LTN1: variants seen among roughly 807,000 people sequenced by gnomAD.
The protein encoded by LTN1 is E3 ubiquitin-protein ligase listerin.
Under a neutral mutation model 201.2 loss-of-function variants are expected in LTN1, and 88 were observed. The observed-to-expected ratio is 0.44, with a 90% CI of 0.37 to 0.52. LTN1 has a LOEUF of 0.52. Among genes scored for constraint, LTN1 ranks in the 20% least tolerant of loss-of-function variants. LTN1 has a pLI of 0.00. For synonymous variants in LTN1, 645 were observed against 713.5 expected (o/e 0.90, Z 1.53); for missense variants, 1,752 against 2,038.7 (o/e 0.86, Z 2.71).
chr21:28,965,066 G>A (rs1404433331), intron 11 of LTN1, among the ~76,000 whole-genome samples: 1 of 152,124 alleles, frequency 6.6e-6, no homozygotes, highest in Non-Finnish European at 1.5e-5. Context: ...TATGGAAACT[G>A]CACAACGATG....
chr21:28,986,552 A>G lies in LTN1; in HGVS notation c.246+179T>C. ...TTAAAAAAGTTCACTGTAACAAACT[A>G]ATTTACGACCTAGAAAATAAATATC... On this transcript the variant is annotated intron_variant, in intron 2 of 29. Transcript: ENST00000361371. The surrounding 1 kb of genome is among the most constrained non-coding windows in gnomAD (Gnocchi z 4.1). 1 of 657,936 alleles carries G rather than the reference A, an allele frequency of 1.5e-6. No homozygotes were observed. The highest frequency in any genetic ancestry group is 2.6e-6 in the Non-Finnish European group (1 of 383,892). The allele number at this position is 657,936 out of a possible 1,614,324, so 40.8% of individuals were successfully genotyped here. A position where few individuals can be genotyped will look rare whatever the true frequency, so the allele number is the denominator to read the frequency against.
chr21:28,941,533 C>T (rs2084297756), intron 24 of LTN1, 127 bp from the exon 25 acceptor site: 1 of 699,596 alleles, frequency 1.4e-6, no homozygotes, highest in Admixed American at 3.4e-5. Context: ...TTTAAAAATT[C>T]CCCTCTATTG....
intron 29 of LTN1, 136 bp downstream of exon 29, chr21:28,931,019 A>G (rs2084205900): frequency 7.2e-6 from 4 of 557,074 alleles, no homozygotes; most frequent in Non-Finnish European, 9.3e-6. Flanking sequence ...CATTAGCTAC[A>G]ATTAAGTTTA....
chr21:28,976,294 A>G (rs1031045436), intron 6 of LTN1, among the ~76,000 whole-genome samples: 3 of 152,292 alleles, frequency 2.0e-5, no homozygotes, highest in Admixed American at 6.5e-5. Context: ...AGGATATTTT[A>G]AAGTACCCAA....
rs566903337 is a variant in LTN1, at chr21:28,989,588, T to C, written c.43-2654A>G. On this transcript the variant is annotated intron_variant, in intron 1 of 29. Coordinates refer to ENST00000361371, the MANE Select transcript of LTN1 (RefSeq NM_015565.3). ...AAACCAAGGAAGACTTACAAGACCT[T>C]TCACCATCTAACCTCAACTTTTCCC... 1.2e-4 allele frequency among the ~76,000 whole-genome samples: 18 copies of C among 152,256 alleles called. No individual in the cohort carries two copies. In the South Asian group the frequency reaches 2.3e-3, roughly 19 times the overall value.
chr21:28,930,003 A>G lies in LTN1; in HGVS notation c.*445T>C, dbSNP rs1245515102. The stretch of plus-strand genomic sequence containing the variant: ...TACTAATTTATTGTCATAACTAATA[A>G]ATAAGGCTTAAAATATCTATAGATG... On this transcript the variant is annotated 3_prime_UTR_variant, in exon 30 of 30. Coordinates refer to ENST00000361371, the MANE Select transcript of LTN1 (RefSeq NM_015565.3). The G allele has an allele frequency of 1.3e-5, 2 of 152,678 alleles. No individual in the cohort carries two copies. The highest frequency in any genetic ancestry group is 3.8e-4 in the East Asian group (2 of 5,214). The allele number at this position is 152,678 out of a possible 1,614,324, so 9.5% of individuals were successfully genotyped here.
intron 12 of LTN1, 154 bp from the exon 13 acceptor site, chr21:28,959,851 A>C: frequency 1.6e-6 from 1 of 630,946 alleles, no homozygotes; most frequent in Non-Finnish European, 2.6e-6. Flanking sequence ...TCTCTCACAC[A>C]TAAAGGCCCT....
At chr21:28,959,412 C>A in intron 13 of LTN1, 46 bp downstream of exon 13, 1 of 1,584,224 alleles carries the variant, frequency 6.3e-7, no homozygotes, top group Non-Finnish European at 8.6e-7. Context: ...CTATGAAGGT[C>A]AGAGCCGGAG....
At chr21:28,989,054 TATTA>T (rs897168690) in intron 1 of LTN1, among the ~76,000 whole-genome samples, 13 of 152,196 alleles carry the variant, frequency 8.5e-5, no homozygotes, top group African/African-American at 2.2e-4. Context: ...AATGAATTAA[TATTA>T]ATTATTCAAT....
intron 12 of LTN1, 147 bp downstream of exon 12, chr21:28,960,370 A>G: frequency 1.7e-6 from 1 of 585,782 alleles, no homozygotes; most frequent in Non-Finnish European, 2.9e-6. Flanking sequence ...AAAAAAAAGA[A>G]AAAAGAAAAG....
rs1327334771 is a variant in LTN1 at position 28,953,216 on chromosome 21, C to T, written c.3239+1G>A. The T allele has an allele frequency of 6.4e-7, 1 of 1,556,756 alleles. No homozygotes were observed. The highest frequency in any genetic ancestry group is 8.6e-7 in the Non-Finnish European group (1 of 1,158,472). On this transcript the variant is annotated splice_donor_variant, in intron 17 of 29. Coordinates refer to ENST00000361371, the MANE Select transcript of LTN1 (RefSeq NM_015565.3). LOFTEE classifies it high-confidence loss of function. Reference sequence around the variant, plus strand: ...AAAAACAAATTGAAAGAGATTCTTACCTGTTAAATAACAGCTGCAAAAGGC... The same window carrying T: ...AAAAACAAATTGAAAGAGATTCTTATCTGTTAAATAACAGCTGCAAAAGGC...
rs140719641 is a variant in LTN1, at chr21:28,959,633, T to G, written c.2418A>C (p.Lys806Asn). 1.1e-4 allele frequency: 179 copies of G among 1,613,806 alleles called. No individual in the cohort carries two copies. The highest frequency in any genetic ancestry group is 1.4e-4 in the Non-Finnish European group (170 of 1,179,906). The change falls in exon 13 of 30, where the codon AAA becomes AAC. Residue 806 changes from lysine (K) to asparagine (N), a missense_variant. By Grantham distance (94) the Lys-to-Asn change is moderately conservative (BLOSUM62 0). This residue lies in a region of LTN1 where 1,211 missense variants were observed against 1,312.8 expected (regional missense o/e 0.92). Coordinates refer to ENST00000361371, the MANE Select transcript of LTN1 (RefSeq NM_015565.3). ...IIVRLHETLF[K>N]TKKLSEAESS... ...TTTCAGCTTCTGATAATTTCTTTGTTTTGAATAAAGTTTCATGAAGTCTAA... is the reference window on the plus strand; with the variant it reads ...TTTCAGCTTCTGATAATTTCTTTGTGTTGAATAAAGTTTCATGAAGTCTAA...
chr21:28,943,543 T>C (rs762529051), intron 23 of LTN1, 124 bp downstream of exon 23: 43 of 768,542 alleles, frequency 5.6e-5, no homozygotes, highest in Non-Finnish European at 8.2e-5. Flanking sequence ...AGGGTCCCTA[T>C]AAGTGAAGCA....
intron 1 of LTN1, among the ~76,000 whole-genome samples, chr21:28,989,404 T>A (rs2084727412): frequency 6.6e-6 from 1 of 152,158 alleles, no homozygotes; most frequent in Admixed American, 6.5e-5. Flanking sequence ...TTATGATCTT[T>A]GTATGTTAAG....
intron 11 of LTN1, among the ~76,000 whole-genome samples, chr21:28,963,807 G>T (rs1337790899): frequency 6.6e-6 from 1 of 152,196 alleles, no homozygotes; most frequent in Non-Finnish European, 1.5e-5. Flanking sequence ...TGAACCATGG[G>T]AAAAGGCTAA....
At chr21:28,958,121 A>G (rs1025178352) in intron 14 of LTN1, among the ~76,000 whole-genome samples, 1 of 152,198 alleles carries the variant, frequency 6.6e-6, no homozygotes, top group African/African-American at 2.4e-5. Flanking sequence ...TCTTTTCATA[A>G]GAGTCCTGTA....
intron 16 of LTN1, among the ~76,000 whole-genome samples, chr21:28,954,889 T>C (rs56750953): frequency 0.012 from 1,860 of 152,300 alleles, 33 homozygotes; most frequent in East Asian, 0.061. Context: ...AATATTTTTA[T>C]GGCTAAGACT....
intron 6 of LTN1, among the ~76,000 whole-genome samples, chr21:28,979,103 A>C (rs2084639055): frequency 6.6e-6 from 1 of 152,276 alleles, no homozygotes; most frequent in African/African-American, 2.4e-5. Context: ...TAGCAGCTGA[A>C]TGCTGCCTAG....
At chr21:28,943,559 A>C in intron 23 of LTN1, 108 bp downstream of exon 23, 1 of 862,764 alleles carries the variant, frequency 1.2e-6, no homozygotes, top group Non-Finnish European at 1.8e-6. Context: ...AAGCAGTCAG[A>C]TCTCCTTCTT....
Sources: allele counts gnomAD v4.1 joint callset (sites outside exome capture counted in the v4.1 genomes callset), GRCh38; gene constraint gnomAD v4.1.1; regional missense constraint gnomAD v4.1.1; non-coding constraint Gnocchi (gnomAD v3.1); transcripts MANE v1.5; gene names NCBI Gene and HGNC (gene_info 2026-07-23, HGNC 2026-07-21).